The following HIBCH variants were observed in gnomAD, a reference collection of about 807,000 sequenced individuals.
The protein encoded by HIBCH is 3-hydroxyisobutyryl-CoA hydrolase, mitochondrial.
Under a neutral mutation model 58.2 loss-of-function variants are expected in HIBCH, and 50 were observed. The observed-to-expected ratio is 0.86, with a 90% CI of 0.68 to 1.09. HIBCH has a LOEUF of 1.09. Among genes scored for constraint, HIBCH ranks in the 50% least tolerant of loss-of-function variants. The probability of loss-of-function intolerance (pLI) is 0.00; values close to 1 mark genes in which losing one functional copy is unlikely to be tolerated. For missense variants in HIBCH, 450 were observed against 449.7 expected (o/e 1.00, Z -0.01); for synonymous variants, 151 against 146.9 (o/e 1.03, Z -0.20).
chr2:190,295,652 C>T (rs369845468), intron 3 of HIBCH, among the ~76,000 whole-genome samples: 9 of 152,286 alleles, frequency 5.9e-5, no homozygotes, highest in South Asian at 2.1e-4. Flanking sequence ...CATGCAATAC[C>T]GGACTACATT....
At chr2:190,310,826 A>G in intron 1 of HIBCH, 30 bp from the exon 2 acceptor site, 2 of 1,505,458 alleles carry the variant, frequency 1.3e-6, no homozygotes, top group Non-Finnish European at 1.8e-6. Flanking sequence ...CAATGAGAAC[A>G]GTAATGTGGG....
chr2:190,250,545 C>A (rs1686733564), intron 8 of HIBCH: 1 of 282,658 alleles, frequency 3.5e-6, no homozygotes, highest in African/African-American at 2.2e-5. Flanking sequence ...AGGGGTTATG[C>A]ATCAGCTCTC....
At chr2:190,267,324 C>T (rs1180996582) in intron 6 of HIBCH, among the ~76,000 whole-genome samples, 1 of 152,062 alleles carries the variant, frequency 6.6e-6, no homozygotes, top group Non-Finnish European at 1.5e-5. Flanking sequence ...CCTGCCTCAG[C>T]CTCCTGAGTA....
intron 11 of HIBCH, among the ~76,000 whole-genome samples, chr2:190,230,120 T>C (rs892017930): frequency 4.6e-5 from 7 of 152,200 alleles, no homozygotes; most frequent in African/African-American, 1.7e-4. Context: ...TTGGGTCCCC[T>C]ACACTTTTGT....
At chr2:190,234,553 A>G (rs1042829774) in intron 11 of HIBCH, among the ~76,000 whole-genome samples, 1 of 152,188 alleles carries the variant, frequency 6.6e-6, no homozygotes, top group African/African-American at 2.4e-5. Flanking sequence ...ACACAAAATG[A>G]TACAATTTCA....
chr2:190,245,585 TA>T (rs1046673406), intron 10 of HIBCH, among the ~76,000 whole-genome samples: 2 of 150,956 alleles, frequency 1.3e-5, no homozygotes, highest in Non-Finnish European at 3.0e-5. Context: ...TTCCCCACTT[TA>T]AAAAAAAAGG....
At chr2:190,278,992 G>A (rs1687634868) in intron 6 of HIBCH, among the ~76,000 whole-genome samples, 1 of 152,142 alleles carries the variant, frequency 6.6e-6, no homozygotes, top group Admixed American at 6.5e-5. Context: ...CTGAGACTGG[G>A]CAATTTATAA....
chr2:190,245,622 T>C (rs569611988), intron 10 of HIBCH, among the ~76,000 whole-genome samples: 1 of 152,216 alleles, frequency 6.6e-6, no homozygotes, highest in African/African-American at 2.4e-5. Context: ...TGAATTCTCA[T>C]GGTAGATTAC....
chr2:190,200,231 C>CAAAT (rs2105890220), downstream of HIBCH: 2 of 1,079,624 alleles, frequency 1.9e-6, no homozygotes, highest in Admixed American at 3.9e-5. Flanking sequence ...TGAAAAAGTA[C>CAAAT]AAATAACTAT....
rs534911296 is a variant in HIBCH at position 190,236,473 on chromosome 2, C to G, written c.891+8414G>C. Among the ~76,000 whole-genome samples, 1 of 152,264 alleles carries G rather than the reference C, an allele frequency of 6.6e-6. No individual in the cohort carries two copies. Among genetic ancestry groups the G allele is most frequent in the South Asian group, 2.1e-4 (1 of 4,824 alleles). ...CATCTTAAACCTTACAAACATATAT[C>G]TATAAATCATTTCCAGAAGTGTTCC... is the stretch of plus-strand genomic sequence containing the variant. On this transcript the variant is annotated intron_variant, in intron 11 of 13. Coordinates refer to ENST00000359678, the MANE Select transcript of HIBCH (RefSeq NM_014362.4). This position sits in a 1 kb window ranked among gnomAD's most constrained non-coding sequence, Gnocchi z 4.1.
chr2:190,246,050 A>C, intron 10 of HIBCH, 104 bp downstream of exon 10: 1 of 691,050 alleles, frequency 1.4e-6, no homozygotes, highest in Non-Finnish European at 2.6e-6. Context: ...AATTCAGTGC[A>C]CTATCAAACA....
chr2:190,244,500 T>C (rs1184498930), intron 11 of HIBCH, among the ~76,000 whole-genome samples: 1 of 152,202 alleles, frequency 6.6e-6, no homozygotes, highest in Non-Finnish European at 1.5e-5. Flanking sequence ...GTAGAATTTA[T>C]AGATCAATGT....
chr2:190,228,444 T>C (rs2105917296), intron 11 of HIBCH, among the ~76,000 whole-genome samples: 1 of 151,380 alleles, frequency 6.6e-6, no homozygotes, highest in Non-Finnish European at 1.5e-5. Flanking sequence ...GAGATATACC[T>C]AATGTAAATG....
intron 2 of HIBCH, among the ~76,000 whole-genome samples, chr2:190,301,056 C>T (rs1277800254): frequency 6.6e-6 from 1 of 152,166 alleles, no homozygotes; most frequent in Non-Finnish European, 1.5e-5. Context: ...GGGGCATAAG[C>T]CATAAGAAAG....
intron 6 of HIBCH, among the ~76,000 whole-genome samples, chr2:190,276,975 A>G (rs1011262414): frequency 7.9e-5 from 12 of 152,262 alleles, no homozygotes; most frequent in African/African-American, 2.9e-4. Flanking sequence ...TGAGAAAAAA[A>G]GTTATTTTTA....
intron 3 of HIBCH, among the ~76,000 whole-genome samples, chr2:190,294,901 G>C (rs1425450513): frequency 6.6e-6 from 1 of 152,142 alleles, no homozygotes. Context: ...GATGGCACCT[G>C]AAATCTTTGC....
At chr2:190,229,530 AC>A (rs1686026078) in intron 11 of HIBCH, among the ~76,000 whole-genome samples, 2 of 152,350 alleles carry the variant, frequency 1.3e-5, no homozygotes, top group South Asian at 4.1e-4. Flanking sequence ...TGCTAAAAAT[AC>A]CATCAAGAAA....
chr2:190,288,864 T>C (rs2941092), intron 5 of HIBCH, among the ~76,000 whole-genome samples: 110,141 of 152,112 alleles, frequency 0.72, 40,362 homozygotes, highest in Non-Finnish European at 0.75. Context: ...GTAATCCCAG[T>C]ACTTTGGGAG....
chr2:190,294,022 G>GTGTATGTATA (rs755751586), intron 4 of HIBCH, among the ~76,000 whole-genome samples: 1 of 83,018 alleles, frequency 1.2e-5, no homozygotes, highest in African/African-American at 4.3e-5. Flanking sequence ...TATTTTGTGT[G>GTGTATGTATA]TATATATATA....
Sources: gnomAD v4.1 joint callset for allele counts (sites outside exome capture counted in the v4.1 genomes callset) on GRCh38, gnomAD v4.1.1 for gene constraint, Gnocchi (gnomAD v3.1) non-coding constraint, MANE v1.5 for transcripts, NCBI Gene and HGNC (gene_info 2026-07-23, HGNC 2026-07-21) for gene names.